GNG7: variants seen among roughly 807,000 people sequenced by gnomAD.
GNG7 encodes guanine nucleotide-binding protein G(I)/G(S)/G(O) subunit gamma-7.
GNG7 carries 1 observed loss-of-function variant against 4.0 expected under a neutral mutation model. That is an observed-to-expected ratio of 0.25 (90% CI 0.09 to 1.18). The LOEUF (loss-of-function observed/expected upper bound fraction) is 1.18, where lower values mean the gene tolerates loss of function less well. GNG7 is among the 50% of genes most tolerant of loss of function. The pLI is 0.50. For synonymous variants in GNG7, 34 were observed against 36.9 expected (o/e 0.92, Z 0.29); for missense variants, 86 against 91.9 (o/e 0.94, Z 0.26).
At chr19:2,616,283 T>C (rs957045867) in intron 2 of GNG7, among the ~76,000 whole-genome samples, 1 of 152,094 alleles carries the variant, frequency 6.6e-6, no homozygotes, top group African/African-American at 2.4e-5. Flanking sequence ...CTCGCTCTGC[T>C]GCCCAGGCTG....
rs1263086630 is a variant in GNG7 at position 2,626,140 on chromosome 19, A to AC, written c.-78+20083dup. Among the ~76,000 whole-genome samples the AC allele has an allele frequency of 6.6e-6, 1 of 151,626 alleles. No individual in the cohort carries two copies. The highest frequency in any genetic ancestry group is 2.0e-4 in the East Asian group (1 of 5,126). On this transcript the variant is annotated intron_variant, in intron 2 of 4. Transcript: ENST00000382159. This position sits in a 1 kb window ranked among gnomAD's most constrained non-coding sequence, Gnocchi z 5.0. ...ACCCTGGACTGCAGGGGTGGTGATCACCCCCCATTTTACCAAACAGAAGCA... is the reference window on the plus strand; with the variant it reads ...ACCCTGGACTGCAGGGGTGGTGATCACCCCCCCATTTTACCAAACAGAAGCA...
chr19:2,667,869 T>C lies in GNG7; in HGVS notation c.-134-21589A>G, dbSNP rs187205510. 5.0e-3 allele frequency among the ~76,000 whole-genome samples: 768 copies of C among 152,110 alleles called. 11 individuals carry two copies. The highest frequency in any genetic ancestry group is 0.018 in the African/African-American group (739 of 41,510). On this transcript the variant is annotated intron_variant, in intron 1 of 4. Coordinates refer to ENST00000382159, the MANE Select transcript of GNG7 (RefSeq NM_052847.3). ...GGCAGAGATTACAGTGAGCCGAGAT[T>C]GCACCACTGTACTCCAGCCTGGGAG...
At chr19:2,580,661 T>C (rs551325017) in intron 2 of GNG7, among the ~76,000 whole-genome samples, 1 of 152,100 alleles carries the variant, frequency 6.6e-6, no homozygotes, top group South Asian at 2.1e-4. Flanking sequence ...AGTGCAGTGG[T>C]GCAATCACAG....
At chr19:2,576,290 A>T (rs1309776644) in intron 2 of GNG7, among the ~76,000 whole-genome samples, 1 of 152,204 alleles carries the variant, frequency 6.6e-6, no homozygotes, top group Admixed American at 6.5e-5. Flanking sequence ...AAAAACAAAC[A>T]TGCCGGGTTG....
intron 1 of GNG7, among the ~76,000 whole-genome samples, chr19:2,696,651 C>T (rs898001301): frequency 6.6e-5 from 10 of 152,192 alleles, no homozygotes; most frequent in South Asian, 2.1e-4. Context: ...GAGGCTCTGA[C>T]GCAGGCCACA....
At chr19:2,630,736 GT>G (rs1982139037) in intron 2 of GNG7, 1 of 151,512 alleles carries the variant, frequency 6.6e-6, no homozygotes, top group South Asian at 2.1e-4. Context: ...TGGACATAGT[GT>G]GGCTGGGTCC....
intron 2 of GNG7, among the ~76,000 whole-genome samples, chr19:2,577,806 T>C (rs1257174044): frequency 1.3e-5 from 2 of 151,686 alleles, no homozygotes; most frequent in East Asian, 3.9e-4. Flanking sequence ...AAAGAAAATG[T>C]AGAACATCCC....
At chr19:2,696,282 AAGAGAG>A (rs150887277) in intron 1 of GNG7, among the ~76,000 whole-genome samples, 3 of 128,652 alleles carry the variant, frequency 2.3e-5, no homozygotes, top group African/African-American at 5.9e-5. Context: ...GAGAAAGAAA[AAGAGAG>A]AGAGAGAAAG....
intron 1 of GNG7, among the ~76,000 whole-genome samples, chr19:2,651,573 CTCT>C (rs1982832291): frequency 1.4e-5 from 2 of 138,916 alleles, no homozygotes; most frequent in South Asian, 2.4e-4. Flanking sequence ...CTCTCTCTCT[CTCT>C]TTTTTTTTTA....
chr19:2,585,018 AGGAG>A (rs1268949968), intron 2 of GNG7, among the ~76,000 whole-genome samples: 3 of 86,468 alleles, frequency 3.5e-5, no homozygotes, highest in African/African-American at 5.0e-5. Context: ...GAAAGAAGGA[AGGAG>A]GGAGGGAGGG....
chr19:2,576,011 G>A (rs530946890), intron 2 of GNG7, among the ~76,000 whole-genome samples: 8 of 77,462 alleles, frequency 1.0e-4, no homozygotes, highest in African/African-American at 4.7e-4. Context: ...TCAGGTACAC[G>A]CAGACATGCA....
rs566220195 is a variant in GNG7, at chr19:2,557,356, GACAC to G, written c.-77-2172_-77-2169del. ...AGACACACACATGTGCACACACACA[GACAC>G]ACACACACGTGCACGCACACATGCA... On this transcript the variant is annotated intron_variant, in intron 2 of 4. Transcript: ENST00000382159. The surrounding 1 kb of genome is among the most constrained non-coding windows in gnomAD (Gnocchi z 5.1). Among the ~76,000 whole-genome samples the G allele has an allele frequency of 5.3e-5, 5 of 94,152 alleles. No individual in the cohort carries two copies. In the East Asian group the frequency reaches 1.7e-3, roughly 32 times the overall value. The allele number at this position is 94,152 out of a possible 152,430, so 61.8% of individuals were successfully genotyped here.
In GNG7 at chr19:2,605,347, T is replaced by TGC. The variant is rs747035432; in HGVS notation, c.-78+40875_-78+40876dup. On this transcript the variant is annotated intron_variant, in intron 2 of 4. Coordinates refer to ENST00000382159, the MANE Select transcript of GNG7 (RefSeq NM_052847.3). ...CTGAGTAGCTGGGACTACAGGCACC[T>TGC]GCCACCATGCCCAGCTAATTTTTGT... Among the ~76,000 whole-genome samples, 828 of 149,838 alleles carry TGC rather than the reference T, an allele frequency of 5.5e-3. 10 individuals are homozygous for TGC. The highest frequency in any genetic ancestry group is 0.014 in the Middle Eastern group (4 of 276).
Position 2,557,354 on chromosome 19 carries a change from CA to C in GNG7, c.-77-2167del, listed in dbSNP as rs1397518009. Among the ~76,000 whole-genome samples the C allele has an allele frequency of 1.1e-5, 1 of 94,506 alleles. No individual in the cohort carries two copies. The highest frequency in any genetic ancestry group is 3.4e-5 in the African/African-American group (1 of 29,238). 62.0% of individuals were successfully genotyped at this position (94,506 alleles called of 152,430 possible). On this transcript the variant is annotated intron_variant, in intron 2 of 4. Coordinates refer to ENST00000382159, the MANE Select transcript of GNG7 (RefSeq NM_052847.3). This position sits in a 1 kb window ranked among gnomAD's most constrained non-coding sequence, Gnocchi z 5.1. ...ACAGACACACACATGTGCACACACACAGACACACACACACGTGCACGCACAC... is the reference window on the plus strand; with the variant it reads ...ACAGACACACACATGTGCACACACACGACACACACACACGTGCACGCACAC...
intron 2 of GNG7, among the ~76,000 whole-genome samples, chr19:2,622,851 C>A (rs62123734): frequency 6.6e-6 from 1 of 151,722 alleles, no homozygotes; most frequent in Non-Finnish European, 1.5e-5. Flanking sequence ...GAGCTCAATG[C>A]GAGAGCAACG....
At position 2,609,036 on chromosome 19, in the gene GNG7, T is replaced by G. The variant is rs761194861; in HGVS notation, c.-78+37188A>C. 6.6e-6 allele frequency among the ~76,000 whole-genome samples: 1 copy of G among 152,100 alleles called. No individual in the cohort carries two copies. The highest frequency in any genetic ancestry group is 1.5e-5 in the Non-Finnish European group (1 of 68,002). ...TCTCTCTCTCTCTCTCTCTCTCTTT[T>G]TTTGTTTTGAGACAGGGTCTCACTC... On this transcript the variant is annotated intron_variant, in intron 2 of 4. Coordinates refer to ENST00000382159, the MANE Select transcript of GNG7 (RefSeq NM_052847.3). This position sits in a 1 kb window ranked among gnomAD's most constrained non-coding sequence, Gnocchi z 4.4.
intron 1 of GNG7, among the ~76,000 whole-genome samples, chr19:2,695,863 A>C (rs1213509055): frequency 6.6e-6 from 1 of 152,138 alleles, no homozygotes; most frequent in Non-Finnish European, 1.5e-5. Context: ...ATGGGAAAGA[A>C]AGCAGACAGA....
chr19:2,604,404 G>A (rs1039817934), intron 2 of GNG7, among the ~76,000 whole-genome samples: 9 of 150,570 alleles, frequency 6.0e-5, no homozygotes, highest in East Asian at 2.0e-4. Context: ...CCAGGAAGTC[G>A]AGGCTGCAGT....
At position 2,651,555 on chromosome 19, in the gene GNG7, TTCTC is replaced by T. The variant is rs1023952463; in HGVS notation, c.-134-5279_-134-5276del. On this transcript the variant is annotated intron_variant, in intron 1 of 4. Coordinates refer to ENST00000382159, the MANE Select transcript of GNG7 (RefSeq NM_052847.3). Reference sequence around the variant, plus strand: ...CTTTCTCTTTCTTTTCTCTCTCCCTTTCTCTCTCTCTCTCTCTCTCTTTTTTTTT... The same window carrying T: ...CTTTCTCTTTCTTTTCTCTCTCCCTTTCTCTCTCTCTCTCTCTTTTTTTTT... 2.6e-3 allele frequency among the ~76,000 whole-genome samples: 368 copies of T among 140,848 alleles called. 4 individuals are homozygous for T. The highest frequency in any genetic ancestry group is 3.4e-3 in the Admixed American group (46 of 13,610). The allele number at this position is 140,848 out of a possible 152,430, so 92.4% of individuals were successfully genotyped here.
Sources: allele counts gnomAD v4.1 joint callset (sites outside exome capture counted in the v4.1 genomes callset), GRCh38; gene constraint gnomAD v4.1.1; non-coding constraint Gnocchi (gnomAD v3.1); transcripts MANE v1.5; gene names NCBI Gene and HGNC (gene_info 2026-07-23, HGNC 2026-07-21).